Variants in USH2A observed in about 807,000 individuals in gnomAD.
USH2A encodes Usher syndrome 2A (autosomal recessive, mild).
USH2A carries 443 observed loss-of-function variants against 538.9 expected under a neutral mutation model. That is an observed-to-expected ratio of 0.82 (90% CI 0.76 to 0.89). The LOEUF (loss-of-function observed/expected upper bound fraction) is 0.89. Among genes scored for constraint, USH2A ranks in the 40% least tolerant of loss-of-function variants. USH2A has a pLI of 0.00. For synonymous variants in USH2A, 2,413 were observed against 2,273.5 expected (o/e 1.06, Z -1.75); for missense variants, 6,633 against 6,324.8 (o/e 1.05, Z -1.65).
chr1:216,313,641 AT>A (rs1382373546), intron 9 of USH2A, among the ~76,000 whole-genome samples: 4 of 151,896 alleles, frequency 2.6e-5, no homozygotes, highest in Admixed American at 2.0e-4. Flanking sequence ...CACCAGGCCT[AT>A]TTTCTGGAAA....
At chr1:215,851,935 A>C (rs10864211) in intron 44 of USH2A, among the ~76,000 whole-genome samples, 58,596 of 151,942 alleles carry the variant, frequency 0.39, 11,811 homozygotes, top group Admixed American at 0.52. Flanking sequence ...TGAAAACAAA[A>C]ATCACATGAT....
At chr1:215,796,585 T>C (rs1328696604) in intron 50 of USH2A, among the ~76,000 whole-genome samples, 4 of 152,118 alleles carry the variant, frequency 2.6e-5, no homozygotes, top group African/African-American at 9.7e-5. Context: ...CAGCCGTTCC[T>C]TTATCTTTCT....
chr1:216,319,970 T>G (rs952068233), intron 9 of USH2A, among the ~76,000 whole-genome samples: 1 of 152,184 alleles, frequency 6.6e-6, no homozygotes, highest in African/African-American at 2.4e-5. Flanking sequence ...TCACAAGTCA[T>G]ACATGAGTGT....
In USH2A at chr1:216,066,630, C is replaced by T. The variant is rs142347475; in HGVS notation, c.6049+3471G>A. Among the ~76,000 whole-genome samples the T allele has an allele frequency of 4.0e-3, 604 of 152,168 alleles. 3 individuals carry two copies. Among genetic ancestry groups the T allele is most frequent in the Middle Eastern group, 0.01 (3 of 294 alleles). Reference sequence around the variant, plus strand: ...TATGTGCTTTACATACATATGAATTCGTTTAATCCCCACAGCTGCCCTGGG... The same window carrying T: ...TATGTGCTTTACATACATATGAATTTGTTTAATCCCCACAGCTGCCCTGGG... On this transcript the variant is annotated intron_variant, in intron 30 of 71. Coordinates refer to ENST00000307340, the MANE Select transcript of USH2A (RefSeq NM_206933.4).
At chr1:215,800,471 A>G (rs542545061) in intron 49 of USH2A, among the ~76,000 whole-genome samples, 1 of 152,152 alleles carries the variant, frequency 6.6e-6, no homozygotes, top group Non-Finnish European at 1.5e-5. Flanking sequence ...GATTTCTATA[A>G]TCCAATTAAT....
chr1:216,384,987 C>A (rs1325256172), intron 3 of USH2A, among the ~76,000 whole-genome samples: 1 of 152,102 alleles, frequency 6.6e-6, no homozygotes, highest in African/African-American at 2.4e-5. Flanking sequence ...GATAATGATG[C>A]AGAGAAACAC....
chr1:215,702,285 T>C (rs1659050794), intron 61 of USH2A, among the ~76,000 whole-genome samples: 1 of 152,186 alleles, frequency 6.6e-6, no homozygotes, highest in Non-Finnish European at 1.5e-5. Context: ...GTGAATCTGA[T>C]GATTACGTGT....
chr1:216,394,981 G>A (rs954555153), intron 3 of USH2A, among the ~76,000 whole-genome samples: 1 of 152,056 alleles, frequency 6.6e-6, no homozygotes, highest in Non-Finnish European at 1.5e-5. Flanking sequence ...GCCTCCCAAA[G>A]TGCTGGGATT....
At chr1:216,355,610 G>A (rs1346924468) in intron 4 of USH2A, among the ~76,000 whole-genome samples, 1 of 152,152 alleles carries the variant, frequency 6.6e-6, no homozygotes, top group Non-Finnish European at 1.5e-5. Context: ...AATGAAAAGG[G>A]AGGTTCTTCG....
chr1:215,671,914 C>T (rs888153824), intron 63 of USH2A, among the ~76,000 whole-genome samples: 1 of 152,104 alleles, frequency 6.6e-6, no homozygotes, highest in African/African-American at 2.4e-5. Flanking sequence ...AATAAATCCC[C>T]TCACCTGATA....
rs200156134 is a variant in USH2A at position 215,994,386 on chromosome 1, AT to A, written c.6658-1220del. Among the ~76,000 whole-genome samples the A allele has an allele frequency of 2.4e-4, 36 of 150,422 alleles. No homozygotes were observed. In the East Asian group the frequency reaches 2.5e-3, roughly 11 times the overall value. Reference sequence around the variant, plus strand: ...CAGAAGGAAGCTGACTGATTTTTAGATTTTTTTTTTAAATATGGGAGTACAC... The same window carrying A: ...CAGAAGGAAGCTGACTGATTTTTAGATTTTTTTTTAAATATGGGAGTACAC... On this transcript the variant is annotated intron_variant, in intron 34 of 71. Coordinates refer to ENST00000307340, the MANE Select transcript of USH2A (RefSeq NM_206933.4).
At chr1:216,365,430 A>G (rs2038578313) in intron 3 of USH2A, among the ~76,000 whole-genome samples, 1 of 152,178 alleles carries the variant, frequency 6.6e-6, no homozygotes, top group African/African-American at 2.4e-5. Context: ...CTATATTTGG[A>G]AATAGAGCAA....
chr1:216,266,112 C>G (rs1005661638), intron 11 of USH2A, among the ~76,000 whole-genome samples: 1 of 152,162 alleles, frequency 6.6e-6, no homozygotes, highest in East Asian at 1.9e-4. Context: ...GCTAATTACA[C>G]TGATTTGATA....
chr1:216,259,529 G>C (rs1317811297), intron 11 of USH2A, among the ~76,000 whole-genome samples: 1 of 152,022 alleles, frequency 6.6e-6, no homozygotes, highest in East Asian at 1.9e-4. Flanking sequence ...TAAGGGATAA[G>C]TATATTGTAC....
chr1:215,808,849 G>C (rs1366379230), intron 49 of USH2A, among the ~76,000 whole-genome samples: 1 of 152,084 alleles, frequency 6.6e-6, no homozygotes, highest in Non-Finnish European at 1.5e-5. Context: ...AATGATTACA[G>C]CTGCTGTAAA....
At chr1:216,279,294 G>C (rs1484228674) in intron 11 of USH2A, among the ~76,000 whole-genome samples, 1 of 151,974 alleles carries the variant, frequency 6.6e-6, no homozygotes, top group Non-Finnish European at 1.5e-5. Context: ...TAAAGGTAGA[G>C]CCCAGGGCAC....
At chr1:215,879,121 AATCAGTGTGACG>A (rs902153622) in intron 41 of USH2A, 23 bp from the exon 42 acceptor site, 4 of 1,598,746 alleles carry the variant, frequency 2.5e-6, no homozygotes, top group Non-Finnish European at 2.6e-6. Flanking sequence ...ATAAACTTAG[AATCAGTGTGACG>A]ATACAGGAAT....
At chr1:215,771,134 A>G (rs546140703) in intron 55 of USH2A, among the ~76,000 whole-genome samples, 67 of 151,136 alleles carry the variant, frequency 4.4e-4, no homozygotes, top group African/African-American at 1.6e-3. Context: ...CCTAAAAAAA[A>G]AAAGAAAGAA....
Position 215,728,086 on chromosome 1 carries a change from C to A in USH2A, c.12010G>T (p.Glu4004Ter). Residue 4004 changes from glutamate to a stop codon, truncating the protein, a stop_gained, in exon 61 of 72, where the codon GAG becomes TAG. Transcript: ENST00000307340. LOFTEE classifies it high-confidence loss of function. ...IISHYRVVYQ[E>*]RPDDPTFNSP... ...TTAAATGTAGGATCGTCGGGTCTCT[C>A]CTGGTAGACCACACGGTAATGGGAG... 1 of 1,614,164 alleles carries A rather than the reference C, an allele frequency of 6.2e-7. No homozygotes were observed. Among genetic ancestry groups the A allele is most frequent in the South Asian group, 1.1e-5 (1 of 91,084 alleles).
Sources: allele counts gnomAD v4.1 joint callset (sites outside exome capture counted in the v4.1 genomes callset), GRCh38; gene constraint gnomAD v4.1.1; transcripts MANE v1.5; gene names NCBI Gene and HGNC (gene_info 2026-07-23, HGNC 2026-07-21).